DNAH12: variants seen among roughly 807,000 people sequenced by gnomAD.
DNAH12 encodes axonemal beta dynein heavy chain 12.
DNAH12 carries 285 observed loss-of-function variants against 371.5 expected under a neutral mutation model. The observed-to-expected ratio is 0.77, with a 90% CI of 0.70 to 0.85. The LOEUF is 0.85. Ranked by LOEUF, DNAH12 falls within the 40% of genes least tolerant of loss-of-function variation. DNAH12 has a pLI of 0.00. For missense variants in DNAH12, 3,611 were observed against 3,689.4 expected, an observed-to-expected ratio of 0.98 and a Z score of 0.55; for synonymous variants, 1,200 against 1,213.0, an observed-to-expected ratio of 0.99 and a Z score of 0.22.
At chr3:57,403,736 C>G (rs1337793505) in intron 42 of DNAH12, among the ~76,000 whole-genome samples, 2 of 152,034 alleles carry the variant, frequency 1.3e-5, no homozygotes, top group African/African-American at 4.8e-5. Flanking sequence ...ATTTGATATA[C>G]AAGTTATACA....
intron 43 of DNAH12, among the ~76,000 whole-genome samples, chr3:57,400,502 A>G (rs1049051412): frequency 6.6e-5 from 10 of 152,200 alleles, no homozygotes; most frequent in Admixed American, 1.3e-4. Context: ...GCCTGAAACA[A>G]CAGATAGTAC....
intron 22 of DNAH12, among the ~76,000 whole-genome samples, chr3:57,457,060 A>G (rs933694949): frequency 1.3e-5 from 2 of 152,146 alleles, no homozygotes; most frequent in African/African-American, 4.8e-5. Flanking sequence ...AAACCAGCCC[A>G]AATCATCTTT....
rs575714164 is a variant in DNAH12 at position 57,409,509 on chromosome 3, T to C, written c.6021-974A>G. On this transcript the variant is annotated intron_variant, in intron 39 of 73. Transcript: ENST00000495027. ...GTAAAATAATTTACAAAATATTACA[T>C]GTAATATGAGCCTATTTTTACACAT... Among the ~76,000 whole-genome samples, 24 of 152,130 alleles carry C rather than the reference T, an allele frequency of 1.6e-4. No individual in the cohort carries two copies. In the South Asian group the frequency reaches 4.8e-3, roughly 30 times the overall value.
chr3:57,435,624 G>A (rs1216293994), intron 30 of DNAH12, among the ~76,000 whole-genome samples: 1 of 152,008 alleles, frequency 6.6e-6, no homozygotes, highest in Non-Finnish European at 1.5e-5. Context: ...AAAAAACTGT[G>A]AGTCTAGTCT....
At chr3:57,351,533 C>T (rs2062675277) in intron 60 of DNAH12, among the ~76,000 whole-genome samples, 1 of 152,088 alleles carries the variant, frequency 6.6e-6, no homozygotes, top group African/African-American at 2.4e-5. Flanking sequence ...TTGAGTAGAA[C>T]AGGTAACGTC....
rs1175875955 is a variant in DNAH12 at position 57,384,643 on chromosome 3, C to CA, written c.7860+185dup. ...TGGTCAACAAAGTGAGACTCTGTCT[C>CA]AAAAAATAAAATAAAATAAAAACAA... On this transcript the variant is annotated intron_variant, in intron 49 of 73. Coordinates refer to ENST00000495027, the MANE Select transcript of DNAH12 (RefSeq NM_001366028.2). Among the ~76,000 whole-genome samples, 1,199 of 151,784 alleles carry CA rather than the reference C, an allele frequency of 7.9e-3. 13 individuals carry two copies. The highest frequency in any genetic ancestry group is 0.027 in the African/African-American group (1,126 of 41,414).
intron 59 of DNAH12, among the ~76,000 whole-genome samples, chr3:57,354,141 T>G (rs2153323369): frequency 6.6e-6 from 1 of 152,296 alleles, no homozygotes; most frequent in African/African-American, 2.4e-5. Flanking sequence ...AATCGTAGAC[T>G]AGATAAAACT....
intron 2 of DNAH12, among the ~76,000 whole-genome samples, chr3:57,529,175 T>C (rs1047116196): frequency 2.7e-4 from 41 of 152,200 alleles, no homozygotes; most frequent in African/African-American, 9.9e-4. Flanking sequence ...TCAATATTCA[T>C]CTGTGATACT....
At position 57,352,111 on chromosome 3, in the gene DNAH12, G is replaced by A; in HGVS notation, c.9648C>T (p.Ser3216=). The change falls in exon 60 of 74, where the codon TCC becomes TCT. Residue 3216 remains serine, a synonymous_variant. Coordinates refer to ENST00000495027, the MANE Select transcript of DNAH12 (RefSeq NM_001366028.2). The part of the protein sequence containing the change: ...SLFEKDKLLF[S]FLLCANLLLA... ...GAAGAAGATTGGCACATAATAAAAA[G>A]GAAAATAACAGCTTGTCCTTCTCAA... 1.3e-6 allele frequency: 2 copies of A among 1,525,518 alleles called. No individual in the cohort carries two copies. Among genetic ancestry groups the A allele is most frequent in the Non-Finnish European group, 1.8e-6 (2 of 1,140,268 alleles). 94.5% of individuals were successfully genotyped at this position (1,525,518 alleles called of 1,614,324 possible).
At chr3:57,371,940 G>GAAAAAAAAAAAA (rs2063180760) in intron 55 of DNAH12, among the ~76,000 whole-genome samples, 3 of 10,828 alleles carry the variant, frequency 2.8e-4, no homozygotes, top group African/African-American at 4.6e-4. Context: ...TCTAAACTCA[G>GAAAAAAAAAAAA]CAAAAAAAAA....
At position 57,458,058 on chromosome 3, in the gene DNAH12, A is replaced by G. The variant is rs747987143; in HGVS notation, c.3053+41T>C. The G allele has an allele frequency of 7.6e-5, 117 of 1,536,422 alleles. 2 individuals are homozygous for G. In the South Asian group the frequency reaches 1.4e-3, roughly 19 times the overall value. On this transcript the variant is annotated intron_variant, in intron 21 of 73. Coordinates refer to ENST00000495027, the MANE Select transcript of DNAH12 (RefSeq NM_001366028.2). ...TTAGTTATAATTCATCACACATAAG[A>G]AAATGTTTTTAATTACAGCACAATT...
intron 35 of DNAH12, among the ~76,000 whole-genome samples, chr3:57,423,147 TA>T (rs1318045221): frequency 2.0e-5 from 3 of 152,108 alleles, no homozygotes; most frequent in Non-Finnish European, 2.9e-5. Context: ...AGTCCAAAAG[TA>T]AATATATATT....
intron 55 of DNAH12, among the ~76,000 whole-genome samples, chr3:57,374,436 A>G (rs1301595112): frequency 6.6e-6 from 1 of 152,186 alleles, no homozygotes; most frequent in Non-Finnish European, 1.5e-5. Flanking sequence ...TCTCAAAGGA[A>G]AGTAGTTTTC....
At chr3:57,331,112 C>A (rs553930377) in intron 62 of DNAH12, among the ~76,000 whole-genome samples, 12 of 152,154 alleles carry the variant, frequency 7.9e-5, no homozygotes, top group African/African-American at 2.9e-4. Context: ...TGAATCTTGA[C>A]CTCAAGAAGC....
intron 62 of DNAH12, among the ~76,000 whole-genome samples, chr3:57,326,255 T>G (rs548515516): frequency 1.3e-5 from 2 of 151,902 alleles, no homozygotes; most frequent in Admixed American, 6.6e-5. Context: ...GACACATAAT[T>G]GTCAGATTCA....
At chr3:57,428,558 C>T in intron 34 of DNAH12, 75 bp downstream of exon 34, 2 of 1,512,430 alleles carry the variant, frequency 1.3e-6, no homozygotes, top group Non-Finnish European at 8.8e-7. Flanking sequence ...ATTCTACCAA[C>T]CACTGTGACT....
intron 11 of DNAH12, 75 bp downstream of exon 11, chr3:57,501,246 A>G (rs1457465459): frequency 2.8e-6 from 3 of 1,069,252 alleles, no homozygotes; most frequent in African/African-American, 3.3e-5. Flanking sequence ...TTAAGCATTT[A>G]CTTTTTAGAA....
At chr3:57,421,316 T>C (rs2064572515) in intron 36 of DNAH12, among the ~76,000 whole-genome samples, 1 of 152,172 alleles carries the variant, frequency 6.6e-6, no homozygotes, top group Non-Finnish European at 1.5e-5. Flanking sequence ...ATAAATTTAA[T>C]TTAAATGTGA....
chr3:57,295,107 C>T (rs1321819794), intron 73 of DNAH12, among the ~76,000 whole-genome samples: 2 of 152,078 alleles, frequency 1.3e-5, no homozygotes, highest in African/African-American at 4.8e-5. Flanking sequence ...CCTTGGGGGA[C>T]CTGGCTGGCT....
Sources: gnomAD v4.1 joint callset for allele counts (sites outside exome capture counted in the v4.1 genomes callset) on GRCh38, gnomAD v4.1.1 for gene constraint, MANE v1.5 for transcripts, NCBI Gene and HGNC (gene_info 2026-07-23, HGNC 2026-07-21) for gene names.